ADGRA3: variants seen among roughly 807,000 people sequenced by gnomAD.
The protein encoded by ADGRA3 is G-protein coupled receptor 125.
Under a neutral mutation model 119.8 loss-of-function variants are expected in ADGRA3, and 56 were observed. That is an observed-to-expected ratio of 0.47 (90% confidence interval 0.38 to 0.58). ADGRA3 has a LOEUF of 0.58. Ranked by LOEUF, ADGRA3 falls within the 20% of genes least tolerant of loss-of-function variation. The pLI is 0.00. For synonymous variants in ADGRA3, 607 were observed against 623.8 expected, an observed-to-expected ratio of 0.97 and a Z score of 0.40; for missense variants, 1,516 against 1,649.0, an observed-to-expected ratio of 0.92 and a Z score of 1.40.
At chr4:22,453,873 CAG>C (rs1164902347) in intron 4 of ADGRA3, among the ~76,000 whole-genome samples, 1 of 151,614 alleles carries the variant, frequency 6.6e-6, no homozygotes, top group Admixed American at 6.6e-5. Flanking sequence ...TTTTTTGAGA[CAG>C]AGTCTTGCTC....
At chr4:22,403,841 A>C (rs2109010442) in intron 14 of ADGRA3, among the ~76,000 whole-genome samples, 1 of 152,362 alleles carries the variant, frequency 6.6e-6, no homozygotes, top group African/African-American at 2.4e-5. Context: ...GACTGTGTCC[A>C]GCACCATAAC....
At position 22,387,657 on chromosome 4, in the gene ADGRA3, G is replaced by GT; in HGVS notation, c.*47dup. ...TTAAATGCTCATAGCTTCAAGGAAT[G>GT]TGAGTATCACAGTTTATATGAATTT... On this transcript the variant is annotated 3_prime_UTR_variant, in exon 19 of 19. Transcript: ENST00000334304. 6.6e-7 allele frequency: 1 copy of GT among 1,516,940 alleles called. No homozygotes were observed. The highest frequency in any genetic ancestry group is 2.3e-5 in the East Asian group (1 of 43,978). The allele number at this position is 1,516,940 out of a possible 1,614,324, so 94.0% of individuals were successfully genotyped here.
At chr4:22,471,599 G>C (rs769723891) in intron 2 of ADGRA3, among the ~76,000 whole-genome samples, 1 of 152,112 alleles carries the variant, frequency 6.6e-6, no homozygotes, top group African/African-American at 2.4e-5. Flanking sequence ...CCAGGACTCC[G>C]GTCTGGACCT....
At chr4:22,453,817 G>A (rs1000582185) in intron 4 of ADGRA3, among the ~76,000 whole-genome samples, 1 of 151,954 alleles carries the variant, frequency 6.6e-6, no homozygotes, top group Non-Finnish European at 1.5e-5. Context: ...TCAGCCTTAT[G>A]TCTAATTACT....
At chr4:22,405,130 G>C (rs1714847613) in intron 14 of ADGRA3, among the ~76,000 whole-genome samples, 1 of 152,158 alleles carries the variant, frequency 6.6e-6, no homozygotes, top group Admixed American at 6.5e-5. Context: ...GCATCCCATA[G>C]CCCTTGGCAG....
At chr4:22,501,625 T>C (rs754409916) in intron 1 of ADGRA3, among the ~76,000 whole-genome samples, 1 of 152,124 alleles carries the variant, frequency 6.6e-6, no homozygotes, top group Admixed American at 6.5e-5. Context: ...CTTTCCATTG[T>C]AAAGCTGCCA....
chr4:22,390,316 C>T (rs1714058843), intron 17 of ADGRA3, among the ~76,000 whole-genome samples: 1 of 42,782 alleles, frequency 2.3e-5, no homozygotes, highest in Admixed American at 3.4e-4. Context: ...TGCTTCTCTA[C>T]TGCTTATATA....
At chr4:22,506,246 C>T (rs1041703139) in intron 1 of ADGRA3, among the ~76,000 whole-genome samples, 4 of 152,096 alleles carry the variant, frequency 2.6e-5, no homozygotes, top group Non-Finnish European at 4.4e-5. Flanking sequence ...ACAAGAAATG[C>T]TTTGCTGGAT....
Position 22,422,874 on chromosome 4 carries a change from G to C in ADGRA3, c.1605+1317C>G, listed in dbSNP as rs553497715. 9.2e-4 allele frequency among the ~76,000 whole-genome samples: 140 copies of C among 152,226 alleles called. 1 individual carries two copies. Among genetic ancestry groups the C allele is most frequent in the African/African-American group, 3.3e-3 (138 of 41,560 alleles). ...CTCAACTGAGGTCATGAATCTGAGAGGGAAACTCCACTGACTTACATTACA... is the reference window on the plus strand; with the variant it reads ...CTCAACTGAGGTCATGAATCTGAGACGGAAACTCCACTGACTTACATTACA... On this transcript the variant is annotated intron_variant, in intron 11 of 18. Coordinates refer to ENST00000334304, the MANE Select transcript of ADGRA3 (RefSeq NM_145290.4).
chr4:22,489,748 G>C (rs1295616853), intron 1 of ADGRA3, among the ~76,000 whole-genome samples: 1 of 152,088 alleles, frequency 6.6e-6, no homozygotes, highest in Non-Finnish European at 1.5e-5. Flanking sequence ...TTGGTGAATG[G>C]GGGAGAGTTC....
intron 7 of ADGRA3, among the ~76,000 whole-genome samples, chr4:22,439,358 C>A (rs1391265922): frequency 6.6e-6 from 1 of 152,096 alleles, no homozygotes; most frequent in Admixed American, 6.5e-5. Flanking sequence ...AATCATAATT[C>A]TCTAATATAA....
intron 1 of ADGRA3, among the ~76,000 whole-genome samples, chr4:22,493,837 A>G (rs1255940663): frequency 6.6e-6 from 1 of 152,178 alleles, no homozygotes; most frequent in Non-Finnish European, 1.5e-5. Context: ...CAGGTCATAA[A>G]AAACCTCGCT....
At chr4:22,414,133 T>A (rs1715335579) in intron 12 of ADGRA3, 1 of 227,362 alleles carries the variant, frequency 4.4e-6, no homozygotes, top group African/African-American at 2.3e-5. Context: ...AGATCAAGGA[T>A]CTCAATGATC....
In ADGRA3 at chr4:22,515,809, G is replaced by A; in HGVS notation, c.-25C>T. 4.0e-6 allele frequency: 4 copies of A among 990,182 alleles called. No individual in the cohort carries two copies. The highest frequency in any genetic ancestry group is 4.8e-6 in the Non-Finnish European group (4 of 835,652). The allele number at this position is 990,182 out of a possible 1,614,324, so 61.3% of individuals were successfully genotyped here. The stretch of plus-strand genomic sequence containing the variant: ...TGCTGCGGGCCGGGGCCTGCGGGGC[G>A]AGCGGCGGCGCACTGGCCTAGCGGG... On this transcript the variant is annotated 5_prime_UTR_variant, in exon 1 of 19. Transcript: ENST00000334304.
At chr4:22,437,840 C>T (rs1716455916) in intron 8 of ADGRA3, among the ~76,000 whole-genome samples, 1 of 152,108 alleles carries the variant, frequency 6.6e-6, no homozygotes, top group African/African-American at 2.4e-5. Context: ...GCCTACTGAA[C>T]TGCCAGTAGT....
intron 1 of ADGRA3, among the ~76,000 whole-genome samples, chr4:22,482,215 A>G (rs574181725): frequency 6.6e-6 from 1 of 152,272 alleles, no homozygotes; most frequent in South Asian, 2.1e-4. Context: ...TGTATCTACC[A>G]TTTCTCTCAC....
chr4:22,489,208 G>A (rs1229404085), intron 1 of ADGRA3, among the ~76,000 whole-genome samples: 1 of 152,130 alleles, frequency 6.6e-6, no homozygotes, highest in East Asian at 1.9e-4. Flanking sequence ...TCATAAAACC[G>A]TCAGATCTCA....
intron 2 of ADGRA3, among the ~76,000 whole-genome samples, chr4:22,468,279 G>A (rs766037018): frequency 1.3e-5 from 2 of 152,200 alleles, no homozygotes; most frequent in Non-Finnish European, 2.9e-5. Flanking sequence ...GACTAGGACA[G>A]ACTCTGTCAA....
intron 1 of ADGRA3, among the ~76,000 whole-genome samples, chr4:22,479,917 T>C (rs1160029719): frequency 2.0e-5 from 3 of 152,136 alleles, no homozygotes; most frequent in African/African-American, 7.2e-5. Context: ...ATACCTCACG[T>C]TCTCACTTAT....
Sources: allele counts gnomAD v4.1 joint callset (sites outside exome capture counted in the v4.1 genomes callset), GRCh38; gene constraint gnomAD v4.1.1; transcripts MANE v1.5; gene names NCBI Gene and HGNC (gene_info 2026-07-23, HGNC 2026-07-21).